Variants in CSMD1 observed in about 807,000 individuals in gnomAD.
CSMD1 encodes CUB and Sushi multiple domains 1.
Under a neutral mutation model 417.5 loss-of-function variants are expected in CSMD1, and 213 were observed. That is an observed-to-expected ratio of 0.51 (90% CI 0.46 to 0.57). The LOEUF is 0.57. Among genes scored for constraint, CSMD1 ranks in the 20% least tolerant of loss-of-function variants. The probability of loss-of-function intolerance (pLI) is 0.00; values close to 1 mark genes in which losing one functional copy is unlikely to be tolerated. For missense variants in CSMD1, 6,923 were observed against 4,529.7 expected (o/e 1.53, Z -15.17); for synonymous variants, 2,862 against 1,736.8 (o/e 1.65, Z -16.11).
At chr8:4,579,135 C>A (rs1251892959) in intron 2 of CSMD1, among the ~76,000 whole-genome samples, 3 of 151,678 alleles carry the variant, frequency 2.0e-5, no homozygotes, top group Non-Finnish European at 4.4e-5. Flanking sequence ...GCAGTAATTG[C>A]AGAATGAAAA....
intron 3 of CSMD1, among the ~76,000 whole-genome samples, chr8:4,287,665 TTA>T (rs1797136269): frequency 6.7e-6 from 1 of 149,302 alleles, no homozygotes; most frequent in Non-Finnish European, 1.5e-5. Flanking sequence ...GGTATTATTA[TTA>T]TTATTATTAT....
chr8:4,771,547 C>G (rs546709479), intron 1 of CSMD1, among the ~76,000 whole-genome samples: 3 of 152,196 alleles, frequency 2.0e-5, no homozygotes, highest in African/African-American at 7.2e-5. Flanking sequence ...TAGGCATTTT[C>G]CACTCTAAGG....
At chr8:3,969,897 T>G (rs908596423) in intron 5 of CSMD1, among the ~76,000 whole-genome samples, 2 of 151,964 alleles carry the variant, frequency 1.3e-5, no homozygotes, top group Non-Finnish European at 2.9e-5. Context: ...CTGGATAATT[T>G]GCAAAAACAA....
intron 5 of CSMD1, among the ~76,000 whole-genome samples, chr8:3,809,672 CTG>C (rs1800952612): frequency 6.6e-6 from 1 of 152,152 alleles, no homozygotes; most frequent in Non-Finnish European, 1.5e-5. Flanking sequence ...GATGCTGATG[CTG>C]CTAATCTGGG....
At chr8:4,540,288 A>T (rs565567905) in intron 2 of CSMD1, among the ~76,000 whole-genome samples, 1 of 152,184 alleles carries the variant, frequency 6.6e-6, no homozygotes, top group Non-Finnish European at 1.5e-5. Flanking sequence ...GCCCATAAAC[A>T]TCTCACCAAA....
chr8:4,584,640 G>T (rs1051950414), intron 2 of CSMD1, among the ~76,000 whole-genome samples: 1 of 152,074 alleles, frequency 6.6e-6, no homozygotes, highest in Non-Finnish European at 1.5e-5. Context: ...CCAACAACAT[G>T]TTGGTTGACC....
Position 4,284,031 on chromosome 8 carries a change from G to A in CSMD1, c.415+135922C>T, listed in dbSNP as rs563965105. Reference sequence around the variant, plus strand: ...GTGAATCACTTGAGGTCAGGAATTCGAAACCAGGCTGGCCATCATTGTGAA... The same window carrying A: ...GTGAATCACTTGAGGTCAGGAATTCAAAACCAGGCTGGCCATCATTGTGAA... On this transcript the variant is annotated intron_variant, in intron 3 of 69. Transcript: ENST00000635120. 1.6e-4 allele frequency among the ~76,000 whole-genome samples: 24 copies of A among 151,990 alleles called. 1 individual carries two copies. In the South Asian group the frequency reaches 5.0e-3, roughly 32 times the overall value.
At chr8:4,132,997 G>T (rs936388274) in intron 3 of CSMD1, among the ~76,000 whole-genome samples, 1 of 152,176 alleles carries the variant, frequency 6.6e-6, no homozygotes, top group South Asian at 2.1e-4. Flanking sequence ...GCAGTGGCGC[G>T]ATCTCGGCTC....
chr8:4,202,802 C>G (rs1436925588), intron 3 of CSMD1, among the ~76,000 whole-genome samples: 1 of 152,160 alleles, frequency 6.6e-6, no homozygotes. Flanking sequence ...ATTCAAACGT[C>G]AGAAAATACC....
chr8:3,597,399 G>A (rs1472060653), intron 8 of CSMD1, among the ~76,000 whole-genome samples: 3 of 135,290 alleles, frequency 2.2e-5, no homozygotes, highest in South Asian at 2.4e-4. Flanking sequence ...GATTTCTATG[G>A]AATCCCAAAT....
intron 1 of CSMD1, among the ~76,000 whole-genome samples, chr8:4,811,099 G>A (rs965703378): frequency 1.2e-4 from 18 of 152,172 alleles, no homozygotes; most frequent in African/African-American, 4.3e-4. Context: ...TTCTGTAAGT[G>A]GAAAGCATTT....
At chr8:4,286,004 A>C (rs917011312) in intron 3 of CSMD1, among the ~76,000 whole-genome samples, 4 of 152,170 alleles carry the variant, frequency 2.6e-5, no homozygotes, top group African/African-American at 9.7e-5. Flanking sequence ...GACAGCAAGC[A>C]GGTTTGTAAA....
rs561049145 is a variant in CSMD1, at chr8:4,832,416, GCAT to G, written c.85+161913_85+161915del. Among the ~76,000 whole-genome samples the G allele has an allele frequency of 1.1e-4, 16 of 152,296 alleles. No individual in the cohort carries two copies. In the South Asian group the frequency reaches 2.9e-3, roughly 28 times the overall value. On this transcript the variant is annotated intron_variant, in intron 1 of 69. Coordinates refer to ENST00000635120, the MANE Select transcript of CSMD1 (RefSeq NM_033225.6). ...CAGTGGACATTGACATCTACTAAGA[GCAT>G]CAGGAAGACTTTGGAGAAGAGGCGC...
chr8:4,840,670 G>T (rs1432483498), intron 1 of CSMD1, among the ~76,000 whole-genome samples: 2 of 152,280 alleles, frequency 1.3e-5, no homozygotes, highest in African/African-American at 2.4e-5. Flanking sequence ...CCCAAAAAAG[G>T]TGCCTGTTAT....
chr8:3,870,687 A>T (rs566607339), intron 5 of CSMD1, among the ~76,000 whole-genome samples: 1 of 152,274 alleles, frequency 6.6e-6, no homozygotes, highest in African/African-American at 2.4e-5. Context: ...AGGGATGTTA[A>T]GTATTATCTG....
intron 43 of CSMD1, 142 bp downstream of exon 43, chr8:3,110,016 T>A: frequency 1.4e-6 from 1 of 699,002 alleles, no homozygotes. Flanking sequence ...TCCCTATATC[T>A]CTGGATTTCG....
At chr8:4,026,881 G>A (rs891634924) in intron 4 of CSMD1, among the ~76,000 whole-genome samples, 5 of 152,168 alleles carry the variant, frequency 3.3e-5, no homozygotes, top group African/African-American at 4.8e-5. Flanking sequence ...AATTTGGCAA[G>A]GTGTAGTATG....
In CSMD1 at chr8:3,588,679, A is replaced by G. The variant is rs201651517; in HGVS notation, c.1098-2419T>C. ...TATTCTGTTTTGAGAAAAACAATCA[A>G]TAAGCCTAAACCCCCAAAGCGCAGA... On this transcript the variant is annotated intron_variant, in intron 8 of 69. Transcript: ENST00000635120. 3.1e-4 allele frequency among the ~76,000 whole-genome samples: 47 copies of G among 152,252 alleles called. No individual in the cohort carries two copies. The East Asian group carries it at 8.5e-3, about 28-fold the overall frequency.
At chr8:3,577,939 C>T (rs1277661382) in intron 9 of CSMD1, among the ~76,000 whole-genome samples, 1 of 152,134 alleles carries the variant, frequency 6.6e-6, no homozygotes, top group Non-Finnish European at 1.5e-5. Context: ...AAACAACCAC[C>T]CTGTGGCTTG....
Sources: gnomAD v4.1 joint callset for allele counts (sites outside exome capture counted in the v4.1 genomes callset) on GRCh38, gnomAD v4.1.1 for gene constraint, MANE v1.5 for transcripts, NCBI Gene and HGNC (gene_info 2026-07-23, HGNC 2026-07-21) for gene names.